The following ANKS1B variants were observed in gnomAD, a reference collection of about 807,000 sequenced individuals.
The protein encoded by ANKS1B is ankyrin repeat and sterile alpha motif domain-containing protein 1B.
Under a neutral mutation model 148.3 loss-of-function variants are expected in ANKS1B, and 36 were observed. The observed-to-expected ratio is 0.24, with a 90% CI of 0.19 to 0.32. The LOEUF is 0.32. Among genes scored for constraint, ANKS1B ranks in the 10% least tolerant of loss-of-function variants. ANKS1B has a pLI of 1.00. For missense variants in ANKS1B, 1,157 were observed against 1,542.6 expected, an observed-to-expected ratio of 0.75 and a Z score of 4.19; for synonymous variants, 542 against 560.8, an observed-to-expected ratio of 0.97 and a Z score of 0.47.
intron 10 of ANKS1B, 83 bp downstream of exon 10, chr12:99,504,393 A>G: frequency 7.0e-7 from 1 of 1,429,664 alleles, no homozygotes; most frequent in Non-Finnish European, 9.6e-7. Context: ...ATAACATAGT[A>G]GGAAACCAAA....
At chr12:98,936,213 T>C (rs1240547020) in intron 17 of ANKS1B, among the ~76,000 whole-genome samples, 1 of 152,234 alleles carries the variant, frequency 6.6e-6, no homozygotes, top group African/African-American at 2.4e-5. Context: ...CTGATGAGTA[T>C]GCTTCAGTAA....
chr12:99,063,108 C>T (rs568243153), intron 16 of ANKS1B, among the ~76,000 whole-genome samples: 18 of 152,220 alleles, frequency 1.2e-4, no homozygotes, highest in Admixed American at 8.5e-4. Flanking sequence ...CCACCAGTGC[C>T]GATATCCCTG....
At chr12:99,321,241 G>A (rs904811071) in intron 12 of ANKS1B, among the ~76,000 whole-genome samples, 1 of 152,210 alleles carries the variant, frequency 6.6e-6, no homozygotes, top group Non-Finnish European at 1.5e-5. Flanking sequence ...CTGTCAGACA[G>A]GGAGGTTTAA....
At chr12:99,089,004 C>T (rs1489518058) in intron 15 of ANKS1B, among the ~76,000 whole-genome samples, 1 of 151,798 alleles carries the variant, frequency 6.6e-6, no homozygotes, top group South Asian at 2.1e-4. Flanking sequence ...CGTCACCATG[C>T]CTGGCTAACA....
chr12:99,410,866 T>C (rs1301210242), intron 11 of ANKS1B, among the ~76,000 whole-genome samples: 1 of 152,224 alleles, frequency 6.6e-6, no homozygotes, highest in Admixed American at 6.5e-5. Flanking sequence ...TATGGTGTTC[T>C]TTTATTTGCT....
intron 12 of ANKS1B, among the ~76,000 whole-genome samples, chr12:99,273,742 A>AATCTTTTGT (rs542877876): frequency 2.0e-5 from 3 of 151,374 alleles, no homozygotes; most frequent in Non-Finnish European, 2.9e-5. Flanking sequence ...ACACCCGGCT[A>AATCTTTTGT]ATTTTTTGTA....
chr12:99,301,511 G>T (rs1230588497), intron 12 of ANKS1B, among the ~76,000 whole-genome samples: 1 of 152,168 alleles, frequency 6.6e-6, no homozygotes, highest in Non-Finnish European at 1.5e-5. Context: ...TATAGAAATG[G>T]AGTAAAGGGA....
At chr12:99,961,519 C>T (rs1473717077) in intron 1 of ANKS1B, among the ~76,000 whole-genome samples, 1 of 152,200 alleles carries the variant, frequency 6.6e-6, no homozygotes, top group East Asian at 1.9e-4. Context: ...CTCATCCTCA[C>T]TGCCTTGATT....
intron 1 of ANKS1B, among the ~76,000 whole-genome samples, chr12:99,854,169 G>A (rs11110070): frequency 0.11 from 16,867 of 152,070 alleles, 1,049 homozygotes; most frequent in African/African-American, 0.16. Flanking sequence ...CCACCACCGC[G>A]CCCAGCTAAT....
intron 9 of ANKS1B, among the ~76,000 whole-genome samples, chr12:99,558,386 A>G (rs1238559923): frequency 6.6e-6 from 1 of 152,162 alleles, no homozygotes; most frequent in Non-Finnish European, 1.5e-5. Context: ...GGGTACACAC[A>G]CGCATGCCAG....
At chr12:99,115,961 CTT>C (rs1230163507) in intron 15 of ANKS1B, among the ~76,000 whole-genome samples, 9 of 148,892 alleles carry the variant, frequency 6.0e-5, no homozygotes, top group African/African-American at 1.7e-4. Flanking sequence ...AAAAGATGCT[CTT>C]AAGCTGGATT....
intron 8 of ANKS1B, among the ~76,000 whole-genome samples, chr12:99,728,941 C>T (rs557341450): frequency 6.6e-6 from 1 of 152,284 alleles, no homozygotes; most frequent in Admixed American, 6.5e-5. Context: ...ACAATGAGAA[C>T]ACATTTAGCG....
chr12:99,115,867 G>A (rs1424368703), intron 15 of ANKS1B, among the ~76,000 whole-genome samples: 1 of 150,940 alleles, frequency 6.6e-6, no homozygotes, highest in Admixed American at 6.6e-5. Context: ...AGGAGGCAGA[G>A]GTTGCAGTGA....
At chr12:99,609,578 C>T (rs1598051634) in intron 9 of ANKS1B, among the ~76,000 whole-genome samples, 2 of 151,022 alleles carry the variant, frequency 1.3e-5, no homozygotes, top group African/African-American at 2.4e-5. Context: ...AGAGCTGGCA[C>T]GATAAAACAG....
chr12:98,758,088 AATATT>A (rs1315604236), intron 25 of ANKS1B, among the ~76,000 whole-genome samples: 1 of 152,208 alleles, frequency 6.6e-6, no homozygotes, highest in East Asian at 1.9e-4. Flanking sequence ...AATGGCTAAT[AATATT>A]ATTTAACCAA....
intron 12 of ANKS1B, among the ~76,000 whole-genome samples, chr12:99,342,311 C>T (rs114870992): frequency 2.4e-4 from 36 of 152,084 alleles, no homozygotes; most frequent in African/African-American, 8.4e-4. Context: ...TAAGTATCAG[C>T]TAGCCTAAGG....
At chr12:99,739,085 T>A (rs2059859181) in intron 8 of ANKS1B, among the ~76,000 whole-genome samples, 1 of 152,040 alleles carries the variant, frequency 6.6e-6, no homozygotes, top group Admixed American at 6.6e-5. Context: ...ACATACACTA[T>A]CATCTTTCTC....
intron 17 of ANKS1B, among the ~76,000 whole-genome samples, chr12:99,034,983 C>T (rs2099954597): frequency 6.6e-6 from 1 of 152,132 alleles, no homozygotes; most frequent in South Asian, 2.1e-4. Context: ...AAGGCCTTGA[C>T]CCAAGGAGGT....
At chr12:99,925,216 G>A (rs1046156473) in intron 1 of ANKS1B, among the ~76,000 whole-genome samples, 1 of 152,154 alleles carries the variant, frequency 6.6e-6, no homozygotes, top group Non-Finnish European at 1.5e-5. Context: ...AAACAAAGAT[G>A]CAATTGCAAA....
Sources: gnomAD v4.1 joint callset for allele counts (sites outside exome capture counted in the v4.1 genomes callset) on GRCh38, gnomAD v4.1.1 for gene constraint, MANE v1.5 for transcripts, NCBI Gene and HGNC (gene_info 2026-07-23, HGNC 2026-07-21) for gene names.